Variants in CTIF observed in about 807,000 individuals in gnomAD.
CTIF encodes the protein CBP80/20-dependent translation initiation factor.
Under a neutral mutation model 66.0 loss-of-function variants are expected in CTIF, and 21 were observed. That is an observed-to-expected ratio of 0.32 (90% CI 0.23 to 0.46). The LOEUF is 0.46. Ranked by LOEUF, CTIF falls within the 20% of genes least tolerant of loss-of-function variation. The probability of loss-of-function intolerance (pLI) is 1.00; values close to 1 mark genes in which losing one functional copy is unlikely to be tolerated. For missense variants in CTIF, 739 were observed against 812.7 expected, an observed-to-expected ratio of 0.91 and a Z score of 1.10; for synonymous variants, 345 against 326.4, an observed-to-expected ratio of 1.06 and a Z score of -0.62.
chr18:48,793,096 C>G (rs766459748), intron 9 of CTIF, among the ~76,000 whole-genome samples: 2 of 152,110 alleles, frequency 1.3e-5, no homozygotes, highest in Non-Finnish European at 1.5e-5. Flanking sequence ...TGGCTGATGA[C>G]GGGGCTCTGA....
intron 7 of CTIF, among the ~76,000 whole-genome samples, chr18:48,745,531 A>G (rs575284783): frequency 6.6e-6 from 1 of 152,354 alleles, no homozygotes; most frequent in South Asian, 2.1e-4. Flanking sequence ...GGTGGTTGCC[A>G]AATGATTTTC....
intron 1 of CTIF, among the ~76,000 whole-genome samples, chr18:48,556,588 G>A (rs2089027399): frequency 6.6e-6 from 1 of 151,492 alleles, no homozygotes; most frequent in African/African-American, 2.4e-5. Flanking sequence ...TTTTTGAGAT[G>A]GAGTCTCACC....
chr18:48,621,106 A>C (rs945564660), intron 2 of CTIF, among the ~76,000 whole-genome samples: 1 of 152,182 alleles, frequency 6.6e-6, no homozygotes, highest in Non-Finnish European at 1.5e-5. Flanking sequence ...TGTGCCAGGC[A>C]CTATTCTAGG....
chr18:48,751,700 C>T (rs1907831312), intron 7 of CTIF, among the ~76,000 whole-genome samples: 1 of 152,190 alleles, frequency 6.6e-6, no homozygotes, highest in Non-Finnish European at 1.5e-5. Flanking sequence ...GGCTCCTGCT[C>T]AGGTCTGGAC....
intron 1 of CTIF, among the ~76,000 whole-genome samples, chr18:48,577,202 C>T (rs1337411844): frequency 1.3e-5 from 2 of 152,178 alleles, no homozygotes; most frequent in South Asian, 2.1e-4. Flanking sequence ...CCTGTGTTTC[C>T]GCCCCAGGAC....
intron 10 of CTIF, among the ~76,000 whole-genome samples, chr18:48,853,152 G>T (rs575589259): frequency 6.6e-6 from 1 of 152,334 alleles, no homozygotes; most frequent in East Asian, 1.9e-4. Flanking sequence ...TGTGCCAGAT[G>T]TTGGGGAGAG....
intron 9 of CTIF, among the ~76,000 whole-genome samples, chr18:48,801,660 A>G (rs1279283649): frequency 6.6e-6 from 1 of 151,760 alleles, no homozygotes; most frequent in Non-Finnish European, 1.5e-5. Context: ...ACGCCTGTGT[A>G]TTCATCTATT....
intron 1 of CTIF, among the ~76,000 whole-genome samples, chr18:48,542,728 A>C (rs1196094722): frequency 6.6e-6 from 1 of 152,224 alleles, no homozygotes; most frequent in Non-Finnish European, 1.5e-5. Context: ...CAAGGGGCCC[A>C]AGATGCCAGT....
rs142130184 is a variant in CTIF, at chr18:48,761,942, A to G, written c.1371+253A>G. 1.5e-4 allele frequency among the ~76,000 whole-genome samples: 23 copies of G among 152,364 alleles called. No individual in the cohort carries two copies. The highest frequency in any genetic ancestry group is 5.5e-4 in the African/African-American group (23 of 41,590). ...TTTTATAGGTGCTTTATGTTTAACC[A>G]GCCTTTCCCACTTTCTATTTTCATA... On this transcript the variant is annotated intron_variant, in intron 9 of 11. Transcript: ENST00000256413. This position sits in a 1 kb window ranked among gnomAD's most constrained non-coding sequence, Gnocchi z 4.2.
At chr18:48,699,492 G>A (rs2092053701) in intron 6 of CTIF, among the ~76,000 whole-genome samples, 1 of 152,182 alleles carries the variant, frequency 6.6e-6, no homozygotes, top group Non-Finnish European at 1.5e-5. Context: ...GACTGCTTTG[G>A]CCCAAGAGTG....
intron 1 of CTIF, among the ~76,000 whole-genome samples, chr18:48,594,893 G>A (rs1329004011): frequency 6.6e-6 from 1 of 152,216 alleles, no homozygotes; most frequent in Admixed American, 6.5e-5. Flanking sequence ...GGGCCAGGCT[G>A]AGAGAGCTGA....
chr18:48,590,200 TC>T, intron 1 of CTIF, among the ~76,000 whole-genome samples: 1 of 152,176 alleles, frequency 6.6e-6, no homozygotes. Flanking sequence ...GCTCTGGGGC[TC>T]CATATTTAGT....
At chr18:48,606,990 C>T (rs1002212284) in intron 1 of CTIF, among the ~76,000 whole-genome samples, 1 of 151,990 alleles carries the variant, frequency 6.6e-6, no homozygotes, top group Non-Finnish European at 1.5e-5. Context: ...TGGGGGGAGT[C>T]GTTTATAATT....
chr18:48,580,943 C>T (rs2143806179), intron 1 of CTIF, among the ~76,000 whole-genome samples: 1 of 152,362 alleles, frequency 6.6e-6, no homozygotes, highest in East Asian at 1.9e-4. Flanking sequence ...CATCGCGGCC[C>T]CACCCAGCTG....
At chr18:48,682,814 G>T (rs1161058519) in intron 6 of CTIF, 2 of 152,260 alleles carry the variant, frequency 1.3e-5, no homozygotes, top group Non-Finnish European at 2.9e-5. Context: ...GACAGCCCTG[G>T]GCGGGCCATT....
At chr18:48,759,281 G>C (rs932069622) in intron 8 of CTIF, among the ~76,000 whole-genome samples, 1 of 152,168 alleles carries the variant, frequency 6.6e-6, no homozygotes, top group Non-Finnish European at 1.5e-5. Context: ...ACAGCAGCAG[G>C]GCCTACAGAG....
At chr18:48,796,404 C>G (rs2067920437) in intron 9 of CTIF, among the ~76,000 whole-genome samples, 2 of 152,224 alleles carry the variant, frequency 1.3e-5, no homozygotes, top group South Asian at 4.2e-4. Context: ...TCTCCATATC[C>G]TGACCTCGCA....
chr18:48,560,017 A>C (rs1040413428), intron 1 of CTIF, among the ~76,000 whole-genome samples: 2 of 152,138 alleles, frequency 1.3e-5, no homozygotes, highest in Non-Finnish European at 2.9e-5. Flanking sequence ...ATATGAAAAA[A>C]ACCAAACCAC....
chr18:48,543,475 C>T (rs1165704946), intron 1 of CTIF, among the ~76,000 whole-genome samples: 2 of 152,100 alleles, frequency 1.3e-5, no homozygotes, highest in Non-Finnish European at 2.9e-5. Flanking sequence ...CCGCTGTGTG[C>T]GGTTTAATTT....
Sources: gnomAD v4.1 joint callset for allele counts (sites outside exome capture counted in the v4.1 genomes callset) on GRCh38, gnomAD v4.1.1 for gene constraint, Gnocchi (gnomAD v3.1) non-coding constraint, MANE v1.5 for transcripts, NCBI Gene and HGNC (gene_info 2026-07-23, HGNC 2026-07-21) for gene names.